The following NKAIN2 variants were observed in gnomAD, a reference collection of about 807,000 sequenced individuals.
NKAIN2 encodes the protein sodium/potassium transporting ATPase interacting 2.
In NKAIN2, 14 loss-of-function variants were observed where a neutral mutation model predicts 32.6. The observed-to-expected ratio is 0.43, with a 90% confidence interval of 0.28 to 0.67. The LOEUF (loss-of-function observed/expected upper bound fraction) is 0.67. NKAIN2 is among the 30% of genes least tolerant of loss of function. The pLI, the probability that NKAIN2 is intolerant of heterozygous loss-of-function variation, is 0.17. For synonymous variants in NKAIN2, 80 were observed against 87.2 expected (o/e 0.92, Z 0.46); for missense variants, 198 against 258.3 (o/e 0.77, Z 1.60).
chr6:124,487,103 GA>G (rs1353900842), intron 3 of NKAIN2, among the ~76,000 whole-genome samples: 2 of 152,038 alleles, frequency 1.3e-5, no homozygotes. Flanking sequence ...GTACATCCTG[GA>G]AAAACTTAAT....
At position 124,644,295 on chromosome 6, in the gene NKAIN2, A is replaced by G. The variant is rs80114217; in HGVS notation, c.274-13891A>G. ...ACATATAATTATGAAAGTTTTCTTT[A>G]GATTTAAAAGTTTTATCATGTTAAC... On this transcript the variant is annotated intron_variant, in intron 3 of 6. Coordinates refer to ENST00000368417, the MANE Select transcript of NKAIN2 (RefSeq NM_001040214.3). Among the ~76,000 whole-genome samples the G allele has an allele frequency of 2.6e-3, 395 of 152,284 alleles. 11 individuals carry two copies. The highest frequency in any genetic ancestry group is 0.024 in the Admixed American group (360 of 15,288).
chr6:124,526,022 G>A (rs1779297881), intron 3 of NKAIN2, among the ~76,000 whole-genome samples: 1 of 152,158 alleles, frequency 6.6e-6, no homozygotes, highest in Non-Finnish European at 1.5e-5. Context: ...TGATGAGATG[G>A]ATCAGGCTTA....
At chr6:124,109,726 T>C (rs1029588418) in intron 1 of NKAIN2, among the ~76,000 whole-genome samples, 1 of 152,060 alleles carries the variant, frequency 6.6e-6, no homozygotes, top group Non-Finnish European at 1.5e-5. Context: ...AAGTCTGATA[T>C]TAGTTGTGGA....
intron 1 of NKAIN2, among the ~76,000 whole-genome samples, chr6:123,841,069 A>G (rs144951663): frequency 1.3e-5 from 2 of 152,132 alleles, no homozygotes; most frequent in East Asian, 3.9e-4. Context: ...AAACTCAGGT[A>G]CTTTTGAACT....
chr6:124,432,842 C>T (rs143480232), intron 3 of NKAIN2, among the ~76,000 whole-genome samples: 1 of 152,150 alleles, frequency 6.6e-6, no homozygotes, highest in African/African-American at 2.4e-5. Context: ...CTTCTTCCCC[C>T]ACAGTCAACC....
At chr6:124,115,038 AT>A (rs1785545771) in intron 1 of NKAIN2, among the ~76,000 whole-genome samples, 1 of 152,138 alleles carries the variant, frequency 6.6e-6, no homozygotes, top group African/African-American at 2.4e-5. Flanking sequence ...GTGTGTGTGT[AT>A]GTATTTGACA....
In NKAIN2 at chr6:124,490,419, T is replaced by G. The variant is rs376185502; in HGVS notation, c.273+135072T>G. On this transcript the variant is annotated intron_variant, in intron 3 of 6. Transcript: ENST00000368417. The stretch of plus-strand genomic sequence containing the variant: ...CCGTATAGAATCATAGAGGTTTTTT[T>G]TTTTTTTTTTTAAGAATTCTTGTTC... The G allele has an allele frequency of 2.0e-4, 83 of 413,724 alleles. No individual in the cohort carries two copies. In the East Asian group the frequency reaches 3.6e-3, roughly 18 times the overall value. The allele number at this position is 413,724 out of a possible 1,614,324, so 25.6% of individuals were successfully genotyped here. A position where few individuals can be genotyped will look rare whatever the true frequency, so the allele number is the denominator to read the frequency against.
At chr6:124,195,606 C>A (rs1026070846) in intron 1 of NKAIN2, among the ~76,000 whole-genome samples, 1 of 152,192 alleles carries the variant, frequency 6.6e-6, no homozygotes. Flanking sequence ...GTCACTGATA[C>A]AAGTGAGAAA....
intron 3 of NKAIN2, among the ~76,000 whole-genome samples, chr6:124,553,027 T>G (rs879083721): frequency 1.3e-5 from 2 of 152,228 alleles, no homozygotes; most frequent in African/African-American, 4.8e-5. Context: ...AACAAAACTT[T>G]CCTATGGAAT....
chr6:123,933,304 A>G (rs1051574308), intron 1 of NKAIN2, among the ~76,000 whole-genome samples: 1 of 152,194 alleles, frequency 6.6e-6, no homozygotes, highest in African/African-American at 2.4e-5. Context: ...TTTACTGTTC[A>G]TCTCTATATT....
intron 6 of NKAIN2, among the ~76,000 whole-genome samples, chr6:124,821,116 G>A (rs545814745): frequency 1.3e-4 from 20 of 152,118 alleles, no homozygotes; most frequent in African/African-American, 4.1e-4. Context: ...CCAACATGGC[G>A]AAACTCCATC....
At chr6:124,193,967 C>T (rs1265662474) in intron 1 of NKAIN2, among the ~76,000 whole-genome samples, 1 of 151,962 alleles carries the variant, frequency 6.6e-6, no homozygotes, top group Non-Finnish European at 1.5e-5. Context: ...TCTGTTTAGC[C>T]CTCAGCAGAG....
chr6:124,209,912 T>G (rs1791085375), intron 1 of NKAIN2, among the ~76,000 whole-genome samples: 2 of 151,906 alleles, frequency 1.3e-5, no homozygotes, highest in African/African-American at 4.8e-5. Flanking sequence ...TCTTATCACT[T>G]TTTTGATTGC....
chr6:124,392,962 A>G (rs1773209017), intron 3 of NKAIN2, among the ~76,000 whole-genome samples: 1 of 151,966 alleles, frequency 6.6e-6, no homozygotes, highest in African/African-American at 2.4e-5. Context: ...CTGTGATTGC[A>G]CCCCTGCACT....
At chr6:124,452,754 T>C (rs2114625644) in intron 3 of NKAIN2, among the ~76,000 whole-genome samples, 1 of 152,278 alleles carries the variant, frequency 6.6e-6, no homozygotes, top group African/African-American at 2.4e-5. Context: ...TGAAAGTATA[T>C]TGGAAGAACA....
At chr6:124,102,219 A>G (rs561241145) in intron 1 of NKAIN2, among the ~76,000 whole-genome samples, 5 of 152,172 alleles carry the variant, frequency 3.3e-5, no homozygotes, top group Non-Finnish European at 7.4e-5. Context: ...CTGCCCCTTC[A>G]CTGGTATGGA....
chr6:124,469,901 CA>C (rs1194848176), intron 3 of NKAIN2, among the ~76,000 whole-genome samples: 1 of 152,148 alleles, frequency 6.6e-6, no homozygotes, highest in Admixed American at 6.5e-5. Flanking sequence ...AGACCATAAC[CA>C]CACTGCATGC....
At chr6:124,805,455 C>T (rs971620939) in intron 5 of NKAIN2, among the ~76,000 whole-genome samples, 6 of 152,118 alleles carry the variant, frequency 3.9e-5, no homozygotes, top group African/African-American at 1.4e-4. Context: ...GGAAAACTAA[C>T]AAACAGAAAG....
chr6:124,006,161 A>C (rs1562304111), intron 1 of NKAIN2, among the ~76,000 whole-genome samples: 1 of 152,188 alleles, frequency 6.6e-6, no homozygotes, highest in Non-Finnish European at 1.5e-5. Context: ...GGTTGAGAAG[A>C]CTTGAGAAAT....
Sources: gnomAD v4.1 joint callset for allele counts (sites outside exome capture counted in the v4.1 genomes callset) on GRCh38, gnomAD v4.1.1 for gene constraint, MANE v1.5 for transcripts, NCBI Gene and HGNC (gene_info 2026-07-23, HGNC 2026-07-21) for gene names.